The following STXBP5 variants were observed in gnomAD, a reference collection of about 807,000 sequenced individuals.
STXBP5 encodes the protein syntaxin-binding protein 5.
Under a neutral mutation model 152.4 loss-of-function variants are expected in STXBP5, and 50 were observed. That is an observed-to-expected ratio of 0.33 (90% CI 0.26 to 0.42). STXBP5 has a LOEUF of 0.42. Ranked by LOEUF, STXBP5 falls within the 10% of genes least tolerant of loss-of-function variation. The probability of loss-of-function intolerance (pLI) is 1.00; values close to 1 mark genes in which losing one functional copy is unlikely to be tolerated. For synonymous variants in STXBP5, 492 were observed against 494.7 expected, an observed-to-expected ratio of 0.99 and a Z score of 0.07; for missense variants, 1,167 against 1,388.6, an observed-to-expected ratio of 0.84 and a Z score of 2.54.
At chr6:147,219,407 A>G (rs959265837) in intron 2 of STXBP5, among the ~76,000 whole-genome samples, 6 of 152,266 alleles carry the variant, frequency 3.9e-5, no homozygotes, top group Middle Eastern at 3.4e-3. Flanking sequence ...TTTGGTATTC[A>G]TATTAGTGTA....
chr6:147,349,774 G>A lies in STXBP5; in HGVS notation c.2255-3549G>A, dbSNP rs1001468345. Reference sequence around the variant, plus strand: ...CTGGCACATTACAGACATATGCCCAGTAGATATTTAATAAATGAATATTCA... The same window carrying A: ...CTGGCACATTACAGACATATGCCCAATAGATATTTAATAAATGAATATTCA... On this transcript the variant is annotated intron_variant, in intron 21 of 27. Transcript: ENST00000321680. Among the ~76,000 whole-genome samples the A allele has an allele frequency of 2.6e-5, 4 of 152,152 alleles. No homozygotes were observed. In the East Asian group the frequency reaches 7.7e-4, roughly 29 times the overall value.
intron 4 of STXBP5, among the ~76,000 whole-genome samples, chr6:147,253,110 C>T (rs963909717): frequency 6.6e-6 from 1 of 152,196 alleles, no homozygotes; most frequent in Admixed American, 6.5e-5. Context: ...AGCTTATCCA[C>T]CATGATCAAA....
At chr6:147,332,483 ACAGT>A (rs1380379327) in intron 18 of STXBP5, among the ~76,000 whole-genome samples, 2 of 152,214 alleles carry the variant, frequency 1.3e-5, no homozygotes, top group Admixed American at 6.5e-5. Flanking sequence ...GTCTGGGAAA[ACAGT>A]CAGTCAAACA....
At chr6:147,369,956 T>C (rs1785468130) in intron 25 of STXBP5, among the ~76,000 whole-genome samples, 1 of 152,062 alleles carries the variant, frequency 6.6e-6, no homozygotes, top group Non-Finnish European at 1.5e-5. Flanking sequence ...AGGAAATTTG[T>C]ATTCATAGCC....
chr6:147,294,086 A>G (rs1781403227), intron 9 of STXBP5, among the ~76,000 whole-genome samples: 1 of 152,190 alleles, frequency 6.6e-6, no homozygotes, highest in African/African-American at 2.4e-5. Flanking sequence ...GAAATAAAGT[A>G]TTTTAGTGGC....
At position 147,327,210 on chromosome 6, in the gene STXBP5, T is replaced by G. The variant is rs771418281; in HGVS notation, c.2014T>G (p.Tyr672Asp). 6.2e-7 allele frequency: 1 copy of G among 1,614,136 alleles called. No homozygotes were observed. Among genetic ancestry groups the G allele is most frequent in the Non-Finnish European group, 8.5e-7 (1 of 1,180,022 alleles). Residue 672 changes from tyrosine (Y) to aspartate (D), a missense_variant, in exon 18 of 28, where the codon TAT (tyrosine) becomes GAT (aspartate). Tyr to Asp is a radical substitution (Grantham distance 160). Around this residue, in one of 3 missense-constraint regions of STXBP5, gnomAD observed 833 missense variants for 986.3 expected, o/e 0.84. Transcript: ENST00000321680. Reference sequence around the variant, plus strand: ...GCTCAACCTGGGCACTATTGAATTATATGGCTCTAATGATCCTTATCGGAG... The same window carrying G: ...GCTCAACCTGGGCACTATTGAATTAGATGGCTCTAATGATCCTTATCGGAG... ...VLLNLGTIEL[Y>D]GSNDPYRREP...
chr6:147,331,805 T>TA (rs758010688), intron 18 of STXBP5, among the ~76,000 whole-genome samples: 50,940 of 115,162 alleles, frequency 0.44, 11,257 homozygotes, highest in Non-Finnish European at 0.54. Flanking sequence ...TTCTACCAGT[T>TA]AAAAAAAAAA....
chr6:147,363,225 A>G (rs760032177), intron 23 of STXBP5, 110 bp from the exon 24 acceptor site: 44 of 1,156,552 alleles, frequency 3.8e-5, no homozygotes, highest in Non-Finnish European at 4.6e-5. Context: ...GTTCAGTTCA[A>G]TATGCGTTCA....
chr6:147,224,972 T>C (rs1777638474), intron 2 of STXBP5, among the ~76,000 whole-genome samples: 1 of 152,210 alleles, frequency 6.6e-6, no homozygotes. Flanking sequence ...CTACTGACTT[T>C]TTATTCAGAG....
At chr6:147,216,100 A>C (rs762453567) in intron 2 of STXBP5, among the ~76,000 whole-genome samples, 1 of 152,166 alleles carries the variant, frequency 6.6e-6, no homozygotes, top group African/African-American at 2.4e-5. Context: ...TGTATTTTTT[A>C]AAAATTCATG....
intron 9 of STXBP5, among the ~76,000 whole-genome samples, chr6:147,297,346 C>G (rs1311090833): frequency 6.6e-6 from 1 of 151,990 alleles, no homozygotes; most frequent in Non-Finnish European, 1.5e-5. Flanking sequence ...AATACTGTAC[C>G]CAGCAAAGCT....
chr6:147,327,667 A>C lies in STXBP5; in HGVS notation c.2080+391A>C, dbSNP rs562335444. Among the ~76,000 whole-genome samples the C allele has an allele frequency of 7.9e-5, 12 of 152,214 alleles. No individual in the cohort carries two copies. In the East Asian group the frequency reaches 1.9e-3, roughly 25 times the overall value. On this transcript the variant is annotated intron_variant, in intron 18 of 27. Coordinates refer to ENST00000321680, the MANE Select transcript of STXBP5 (RefSeq NM_001127715.4). The stretch of plus-strand genomic sequence containing the variant: ...CATGTTGCCCAGGTTGGTGTCAAAC[A>C]CCTGGACTCAAGTGATCCCCTGCCT...
intron 27 of STXBP5, among the ~76,000 whole-genome samples, chr6:147,384,445 TCTTA>T (rs1317879690): frequency 6.6e-6 from 1 of 152,148 alleles, no homozygotes; most frequent in Non-Finnish European, 1.5e-5. Context: ...ATAAAAATTA[TCTTA>T]CTTTTATATT....
At chr6:147,308,247 A>G (rs1782195047) in intron 9 of STXBP5, among the ~76,000 whole-genome samples, 1 of 152,206 alleles carries the variant, frequency 6.6e-6, no homozygotes, top group South Asian at 2.1e-4. Flanking sequence ...GTGGAAGAAA[A>G]TCAAATATAC....
At chr6:147,327,375 C>G in intron 18 of STXBP5, 99 bp downstream of exon 18, 2 of 1,365,598 alleles carry the variant, frequency 1.5e-6, no homozygotes, top group Non-Finnish European at 2.0e-6. Flanking sequence ...AATAGCTTGC[C>G]TGATTTAGTC....
At chr6:147,372,478 A>G (rs1293213452) in intron 25 of STXBP5, among the ~76,000 whole-genome samples, 1 of 106,444 alleles carries the variant, frequency 9.4e-6, no homozygotes, top group Non-Finnish European at 1.7e-5. Flanking sequence ...TCTTTTGCCC[A>G]GGCTGGAGTG....
intron 2 of STXBP5, among the ~76,000 whole-genome samples, chr6:147,228,217 G>A (rs1256973034): frequency 6.6e-6 from 1 of 151,912 alleles, no homozygotes; most frequent in Admixed American, 6.6e-5. Context: ...AGTCTTAAAT[G>A]ACTTACAAAA....
intron 9 of STXBP5, among the ~76,000 whole-genome samples, chr6:147,300,698 A>G (rs560480369): frequency 6.6e-6 from 1 of 152,262 alleles, no homozygotes; most frequent in Admixed American, 6.5e-5. Context: ...AAAGTATGAA[A>G]CTACTGGAAG....
At chr6:147,308,978 A>G (rs187774425) in intron 9 of STXBP5, among the ~76,000 whole-genome samples, 194 of 152,302 alleles carry the variant, frequency 1.3e-3, no homozygotes, top group African/African-American at 4.4e-3. Context: ...CTGAGATTAG[A>G]TACTTATCAC....
Sources: gnomAD v4.1 joint callset for allele counts (sites outside exome capture counted in the v4.1 genomes callset) on GRCh38, gnomAD v4.1.1 for gene constraint, gnomAD v4.1.1 regional missense constraint, MANE v1.5 for transcripts, NCBI Gene and HGNC (gene_info 2026-07-23, HGNC 2026-07-21) for gene names.